The following ARHGEF10L variants were observed in gnomAD, a reference collection of about 807,000 sequenced individuals.
The protein encoded by ARHGEF10L is Rho guanine nucleotide exchange factor 10 like.
A neutral mutation model predicts 141.2 loss-of-function variants in ARHGEF10L; 69 were observed. The observed-to-expected ratio is 0.49, with a 90% CI of 0.40 to 0.60. ARHGEF10L has a LOEUF of 0.60. ARHGEF10L is among the 20% of genes least tolerant of loss of function. The probability of loss-of-function intolerance (pLI) is 0.00; values close to 1 mark genes in which losing one functional copy is unlikely to be tolerated. For synonymous variants in ARHGEF10L, 711 were observed against 718.5 expected (o/e 0.99, Z 0.17); for missense variants, 1,482 against 1,734.3 (o/e 0.85, Z 2.58).
chr1:17,692,635 C>T (rs1234184505), intron 27 of ARHGEF10L, among the ~76,000 whole-genome samples: 6 of 152,198 alleles, frequency 3.9e-5, no homozygotes, highest in Non-Finnish European at 5.9e-5. Context: ...TGGGCAGCTG[C>T]GGGAGCCCCT....
chr1:17,665,056 G>A (rs1202990239), intron 26 of ARHGEF10L, among the ~76,000 whole-genome samples: 1 of 152,182 alleles, frequency 6.6e-6, no homozygotes, highest in African/African-American at 2.4e-5. Flanking sequence ...CCCCCAGGAT[G>A]AGGGACTGGT....
At chr1:17,564,260 GC>G (rs1287510377) in intron 1 of ARHGEF10L, among the ~76,000 whole-genome samples, 1 of 152,180 alleles carries the variant, frequency 6.6e-6, no homozygotes, top group Non-Finnish European at 1.5e-5. Flanking sequence ...CCTGCCCTCA[GC>G]CCCCAGGTGG....
chr1:17,587,412 C>T lies in ARHGEF10L; in HGVS notation c.38-48C>T, dbSNP rs2079114783. The T allele has an allele frequency of 5.7e-6, 9 of 1,579,860 alleles. No individual in the cohort carries two copies. The South Asian group carries it at 1.1e-4, about 18-fold the overall frequency. On this transcript the variant is annotated intron_variant, in intron 2 of 28. Transcript: ENST00000361221. ...CCTACCCCAGCCATCTCTCCATTGA[C>T]CAAACCTCGGAGATCCTGCAGCCTG...
chr1:17,616,296 G>A, intron 9 of ARHGEF10L, 94 bp downstream of exon 9: 2 of 1,087,968 alleles, frequency 1.8e-6, no homozygotes, highest in Admixed American at 2.0e-5. Flanking sequence ...AGGTCATGCT[G>A]GGTGGGTACC....
At chr1:17,595,199 A>G (rs890880049) in intron 4 of ARHGEF10L, among the ~76,000 whole-genome samples, 23 of 145,162 alleles carry the variant, frequency 1.6e-4, no homozygotes, top group Non-Finnish European at 2.9e-4. Context: ...GGTTTATTGC[A>G]CATGCTGTTT....
chr1:17,661,108 CAG>C (rs1336328933), intron 25 of ARHGEF10L, among the ~76,000 whole-genome samples: 8 of 152,146 alleles, frequency 5.3e-5, no homozygotes, highest in East Asian at 1.9e-4. Flanking sequence ...TTTTCTGAGA[CAG>C]AGTTTCACTC....
Position 17,625,904 on chromosome 1 carries a change from C to G in ARHGEF10L, c.1318-52C>G. On this transcript the variant is annotated intron_variant, in intron 13 of 28. Coordinates refer to ENST00000361221, the MANE Select transcript of ARHGEF10L (RefSeq NM_018125.4). This position sits in a 1 kb window ranked among gnomAD's most constrained non-coding sequence, Gnocchi z 4.5. ...GGGACAGTGTCTGGACTCTGGGGCA[C>G]TGGGCCCTCTCTGCAGGGGGTCAGC... 6.5e-7 allele frequency: 1 copy of G among 1,528,790 alleles called. No homozygotes were observed. The highest frequency in any genetic ancestry group is 9.0e-7 in the Non-Finnish European group (1 of 1,105,222). The allele number at this position is 1,528,790 out of a possible 1,614,324, so 94.7% of individuals were successfully genotyped here.
At chr1:17,586,911 T>G (rs901778670) in intron 2 of ARHGEF10L, among the ~76,000 whole-genome samples, 1 of 152,152 alleles carries the variant, frequency 6.6e-6, no homozygotes, top group Non-Finnish European at 1.5e-5. Context: ...TGCTGAGAGC[T>G]TGGTGCCTTC....
intron 1 of ARHGEF10L, among the ~76,000 whole-genome samples, chr1:17,569,740 C>T (rs1032935455): frequency 2.0e-5 from 3 of 152,178 alleles, no homozygotes; most frequent in Admixed American, 6.5e-5. Flanking sequence ...ACACCTGCCC[C>T]GTGGGAAAGG....
chr1:17,602,002 TCTCCCCAGCAGC>T (rs2080726916), intron 4 of ARHGEF10L, 113 bp from the exon 5 acceptor site: 2 of 796,398 alleles, frequency 2.5e-6, no homozygotes, highest in Non-Finnish European at 3.9e-6. Flanking sequence ...CCACCTCAGG[TCTCCCCAGCAGC>T]CTGGCCCTCA....
In ARHGEF10L at chr1:17,639,057, T is replaced by C. The variant is rs1571166076; in HGVS notation, c.2171+368T>C. Among the ~76,000 whole-genome samples, 1 of 151,864 alleles carries C rather than the reference T, an allele frequency of 6.6e-6. No homozygotes were observed. The highest frequency in any genetic ancestry group is 1.5e-5 in the Non-Finnish European group (1 of 67,930). Reference sequence around the variant, plus strand: ...GGGTTTCCTCTCTCTGGACCCAGCCTCCCCCCAGCACCACCTTAGCCCCAG... The same window carrying C: ...GGGTTTCCTCTCTCTGGACCCAGCCCCCCCCCAGCACCACCTTAGCCCCAG... On this transcript the variant is annotated intron_variant, in intron 20 of 28. Coordinates refer to ENST00000361221, the MANE Select transcript of ARHGEF10L (RefSeq NM_018125.4). This position sits in a 1 kb window ranked among gnomAD's most constrained non-coding sequence, Gnocchi z 4.3.
intron 4 of ARHGEF10L, among the ~76,000 whole-genome samples, chr1:17,595,651 G>C (rs577803561): frequency 9.7e-4 from 147 of 152,254 alleles, no homozygotes; most frequent in African/African-American, 3.4e-3. Context: ...GAAGCCCTCT[G>C]TGCACAGGAT....
chr1:17,534,096 G>T, the ARHGEF10L span, among the ~76,000 whole-genome samples: 1 of 151,702 alleles, frequency 6.6e-6, no homozygotes, highest in Non-Finnish European at 1.5e-5. Context: ...TGGGTAGCTG[G>T]GATTACAAGC....
chr1:17,599,065 C>T (rs746074118), intron 4 of ARHGEF10L, among the ~76,000 whole-genome samples: 2 of 151,938 alleles, frequency 1.3e-5, no homozygotes, highest in Non-Finnish European at 1.5e-5. Context: ...ATGTGCAGGT[C>T]GGGCTTGTAG....
chr1:17,530,736 T>C, the ARHGEF10L span, among the ~76,000 whole-genome samples: 1 of 152,122 alleles, frequency 6.6e-6, no homozygotes, highest in Non-Finnish European at 1.5e-5. Flanking sequence ...GCCATTCTGG[T>C]TGGGCGTGGT....
chr1:17,575,341 C>T (rs1426273871), intron 1 of ARHGEF10L, among the ~76,000 whole-genome samples: 2 of 152,224 alleles, frequency 1.3e-5, no homozygotes, highest in South Asian at 2.1e-4. Flanking sequence ...TTTTAAAAAG[C>T]TTCACAACTG....
chr1:17,526,018 A>G, the ARHGEF10L span, among the ~76,000 whole-genome samples: 2 of 151,100 alleles, frequency 1.3e-5, no homozygotes, highest in Non-Finnish European at 3.0e-5. Context: ...AAAAAAAAAA[A>G]GAAAAGAAAA....
chr1:17,656,182 G>T lies in ARHGEF10L; in HGVS notation c.2705+80G>T. On this transcript the variant is annotated intron_variant, in intron 24 of 28. Transcript: ENST00000361221. The surrounding 1 kb of genome is among the most constrained non-coding windows in gnomAD (Gnocchi z 4.9). ...TGGGGGCTGTCCCTGTAGCCTTCCG[G>T]ATCTGCCTGTTGCCCACCAACATTC... The T allele has an allele frequency of 2.1e-6, 3 of 1,438,682 alleles. No homozygotes were observed. In the South Asian group the frequency reaches 3.9e-5, roughly 19 times the overall value. 89.1% of individuals were successfully genotyped at this position (1,438,682 alleles called of 1,614,324 possible). A position where few individuals can be genotyped will look rare whatever the true frequency, so the allele number is the denominator to read the frequency against.
intron 4 of ARHGEF10L, among the ~76,000 whole-genome samples, chr1:17,597,657 G>A (rs1329364178): frequency 6.6e-6 from 1 of 152,180 alleles, no homozygotes; most frequent in Non-Finnish European, 1.5e-5. Context: ...ATAGATCACC[G>A]GGGTTCAAAC....
Sources: allele counts gnomAD v4.1 joint callset (sites outside exome capture counted in the v4.1 genomes callset), GRCh38; gene constraint gnomAD v4.1.1; non-coding constraint Gnocchi (gnomAD v3.1); transcripts MANE v1.5; gene names NCBI Gene and HGNC (gene_info 2026-07-23, HGNC 2026-07-21).